DSCAM: variants seen among roughly 807,000 people sequenced by gnomAD.
DSCAM encodes cell adhesion molecule DSCAM.
DSCAM carries 47 observed loss-of-function variants against 217.7 expected under a neutral mutation model. The observed-to-expected ratio is 0.22, with a 90% confidence interval of 0.17 to 0.28. The LOEUF (loss-of-function observed/expected upper bound fraction) is 0.28. Among genes scored for constraint, DSCAM ranks in the 10% least tolerant of loss-of-function variants. The probability of loss-of-function intolerance (pLI) is 1.00; values close to 1 mark genes in which losing one functional copy is unlikely to be tolerated. For missense variants in DSCAM, 2,080 were observed against 2,618.3 expected, an observed-to-expected ratio of 0.79 and a Z score of 4.49; for synonymous variants, 1,056 against 1,015.3, an observed-to-expected ratio of 1.04 and a Z score of -0.76.
chr21:40,592,203 G>T (rs1478829224), intron 3 of DSCAM, among the ~76,000 whole-genome samples: 1 of 152,066 alleles, frequency 6.6e-6, no homozygotes, highest in Non-Finnish European at 1.5e-5. Flanking sequence ...AAATTTTTCA[G>T]GTGAGAAATT....
chr21:40,239,921 C>T (rs375493383), intron 11 of DSCAM, among the ~76,000 whole-genome samples: 3 of 152,136 alleles, frequency 2.0e-5, no homozygotes, highest in East Asian at 3.9e-4. Flanking sequence ...CCTCTCCAGG[C>T]GAGCATCTCA....
chr21:40,805,051 A>G (rs1191095884), intron 1 of DSCAM, among the ~76,000 whole-genome samples: 2 of 152,070 alleles, frequency 1.3e-5, no homozygotes, highest in Non-Finnish European at 2.9e-5. Flanking sequence ...GAATTAGCTC[A>G]CTTCCCCCCA....
At chr21:40,227,083 T>C (rs1379225952) in intron 11 of DSCAM, among the ~76,000 whole-genome samples, 3 of 152,178 alleles carry the variant, frequency 2.0e-5, no homozygotes, top group African/African-American at 7.2e-5. Flanking sequence ...ATGATCTCAT[T>C]CTGCTTTATA....
At chr21:40,493,324 A>G (rs904457461) in intron 3 of DSCAM, among the ~76,000 whole-genome samples, 3 of 152,176 alleles carry the variant, frequency 2.0e-5, no homozygotes, top group Admixed American at 2.0e-4. Flanking sequence ...TTTACAAGAA[A>G]CACTAAAGGG....
chr21:40,717,698 G>A (rs1195509144), intron 1 of DSCAM, among the ~76,000 whole-genome samples: 2 of 152,214 alleles, frequency 1.3e-5, no homozygotes, highest in African/African-American at 4.8e-5. Context: ...CTTTTGAAGT[G>A]ATGAAAACCT....
chr21:40,571,193 G>C (rs1321968357), intron 3 of DSCAM, among the ~76,000 whole-genome samples: 1 of 150,410 alleles, frequency 6.6e-6, no homozygotes, highest in African/African-American at 2.4e-5. Context: ...CCTCACAATG[G>C]AAAAAAAATT....
chr21:40,537,304 C>G lies in DSCAM; in HGVS notation c.508+155506G>C, dbSNP rs139515591. On this transcript the variant is annotated intron_variant, in intron 3 of 32. Coordinates refer to ENST00000400454, the MANE Select transcript of DSCAM (RefSeq NM_001389.5). Reference sequence around the variant, plus strand: ...GGAGGTAGGTCGAGAGAGAGACAGACAGACAGCAGGCTGATTTATGACATA... The same window carrying G: ...GGAGGTAGGTCGAGAGAGAGACAGAGAGACAGCAGGCTGATTTATGACATA... Among the ~76,000 whole-genome samples the G allele has an allele frequency of 3.9e-5, 6 of 152,310 alleles. 1 individual carries two copies. The highest frequency in any genetic ancestry group is 1.4e-4 in the African/African-American group (6 of 41,562).
chr21:40,619,351 T>G (rs2089448860), intron 3 of DSCAM, among the ~76,000 whole-genome samples: 1 of 152,148 alleles, frequency 6.6e-6, no homozygotes, highest in Non-Finnish European at 1.5e-5. Context: ...TTTTGATGAT[T>G]ACATTATTTT....
intron 32 of DSCAM, among the ~76,000 whole-genome samples, chr21:40,014,422 A>T (rs910918718): frequency 7.2e-5 from 11 of 151,876 alleles, no homozygotes; most frequent in African/African-American, 1.9e-4. Flanking sequence ...CAAACAAAAA[A>T]CCCAAACCAA....
At chr21:40,769,277 G>A (rs1601237677) in intron 1 of DSCAM, among the ~76,000 whole-genome samples, 3 of 152,322 alleles carry the variant, frequency 2.0e-5, no homozygotes. Context: ...TAGCAAAGAT[G>A]GTGCAGCACA....
intron 1 of DSCAM, among the ~76,000 whole-genome samples, chr21:40,749,868 T>A (rs2091210761): frequency 6.6e-6 from 1 of 152,104 alleles, no homozygotes; most frequent in Admixed American, 6.6e-5. Flanking sequence ...CCTGTAACTG[T>A]CTGAAACCTT....
rs908895793 is a variant in DSCAM at position 40,012,662 on chromosome 21, T to C, written c.*372A>G. The C allele has an allele frequency of 6.4e-6, 1 of 156,112 alleles. No individual in the cohort carries two copies. The highest frequency in any genetic ancestry group is 2.4e-5 in the African/African-American group (1 of 41,600). The allele number at this position is 156,112 out of a possible 1,614,324, so 9.7% of individuals were successfully genotyped here. ...TCGGTGTTCCTTTTAAATTCACAAA[T>C]AGGCTGATTTCCCACCCACCCTGTT... On this transcript the variant is annotated 3_prime_UTR_variant, in exon 33 of 33. Transcript: ENST00000400454.
At chr21:40,025,850 GT>G (rs1172614823) in intron 32 of DSCAM, among the ~76,000 whole-genome samples, 1 of 150,540 alleles carries the variant, frequency 6.6e-6, no homozygotes, top group East Asian at 1.9e-4. Flanking sequence ...TTTTTGAAGG[GT>G]TTTTTGTGTC....
intron 3 of DSCAM, among the ~76,000 whole-genome samples, chr21:40,512,230 A>T (rs2837668): frequency 2.0e-5 from 3 of 152,066 alleles, no homozygotes; most frequent in African/African-American, 7.2e-5. Flanking sequence ...TCCTGAGTGA[A>T]CCTTGTTCTT....
intron 32 of DSCAM, among the ~76,000 whole-genome samples, chr21:40,014,383 C>CAAACAAAACA (rs146502815): frequency 3.0e-4 from 45 of 151,314 alleles, no homozygotes; most frequent in African/African-American, 1.1e-3. Flanking sequence ...GAGCAAGACT[C>CAAACAAAACA]AAACAAAACA....
At chr21:40,778,158 A>G (rs2091505555) in intron 1 of DSCAM, among the ~76,000 whole-genome samples, 1 of 152,198 alleles carries the variant, frequency 6.6e-6, no homozygotes, top group South Asian at 2.1e-4. Context: ...ATGCTTCAAG[A>G]AAAAGGAACA....
chr21:40,410,286 C>T (rs2075311500), intron 3 of DSCAM, among the ~76,000 whole-genome samples: 1 of 151,694 alleles, frequency 6.6e-6, no homozygotes, highest in African/African-American at 2.4e-5. Flanking sequence ...TCATAAACAA[C>T]AATAGAAACT....
intron 16 of DSCAM, among the ~76,000 whole-genome samples, chr21:40,160,408 A>T (rs961823694): frequency 1.3e-5 from 2 of 152,224 alleles, no homozygotes; most frequent in African/African-American, 2.4e-5. Flanking sequence ...TTAAAATGTG[A>T]TGAAATAGTG....
chr21:40,284,033 A>G (rs2073796333), intron 10 of DSCAM, among the ~76,000 whole-genome samples: 1 of 152,200 alleles, frequency 6.6e-6, no homozygotes. Context: ...TTCCTCAAGA[A>G]TGCATTTGTT....
Sources: allele counts gnomAD v4.1 joint callset (sites outside exome capture counted in the v4.1 genomes callset), GRCh38; gene constraint gnomAD v4.1.1; transcripts MANE v1.5; gene names NCBI Gene and HGNC (gene_info 2026-07-23, HGNC 2026-07-21).